MORN1: variants seen among roughly 807,000 people sequenced by gnomAD.
MORN1 encodes the protein MORN repeat-containing protein 1.
MORN1 carries 67 observed loss-of-function variants against 61.9 expected under a neutral mutation model. The ratio of observed to expected loss-of-function variants is 1.08; its 90% CI spans 0.89 to 1.33. The LOEUF (loss-of-function observed/expected upper bound fraction) is 1.33. MORN1 is among the 40% of genes most tolerant of loss of function. The pLI is 0.00. For synonymous variants in MORN1, 301 were observed against 292.0 expected, an observed-to-expected ratio of 1.03 and a Z score of -0.31; for missense variants, 752 against 691.2, an observed-to-expected ratio of 1.09 and a Z score of -0.99.
Position 2,385,324 on chromosome 1 carries a change from G to C in MORN1, c.450-259C>G, listed in dbSNP as rs547244409. 615 of 546,376 alleles carry C rather than the reference G, an allele frequency of 1.1e-3. 2 individuals carry two copies. Among genetic ancestry groups the C allele is most frequent in the Non-Finnish European group, 1.6e-3 (502 of 304,938 alleles). 33.8% of individuals were successfully genotyped at this position (546,376 alleles called of 1,614,324 possible). Reference sequence around the variant, plus strand: ...ACTCAGCTTCCGCTACTCAAAATGGGAAATGACCCAGGAGAGGCAACGGGA... The same window carrying C: ...ACTCAGCTTCCGCTACTCAAAATGGCAAATGACCCAGGAGAGGCAACGGGA... On this transcript the variant is annotated intron_variant, in intron 5 of 13. Coordinates refer to ENST00000378531, the MANE Select transcript of MORN1 (RefSeq NM_024848.3).
At chr1:2,366,760 T>C (rs867136067) in intron 8 of MORN1, among the ~76,000 whole-genome samples, 5 of 152,088 alleles carry the variant, frequency 3.3e-5, no homozygotes, top group Admixed American at 1.3e-4. Context: ...GGTCTCAAAC[T>C]CCTGACTTCA....
intron 12 of MORN1, chr1:2,332,501 T>C (rs1641178903): frequency 2.4e-6 from 1 of 414,124 alleles, no homozygotes; most frequent in African/African-American, 2.0e-5. Context: ...CAGTTCTGTC[T>C]TGACATCGAC....
At chr1:2,379,250 C>A (rs574651530) in intron 6 of MORN1, 47 of 438,958 alleles carry the variant, frequency 1.1e-4, no homozygotes, top group African/African-American at 9.0e-4. Flanking sequence ...GTGCCAAGGG[C>A]ATGATCCGAG....
At position 2,334,520 on chromosome 1, in the gene MORN1, G is replaced by A. The variant is rs925351456; in HGVS notation, c.1250+1949C>T. On this transcript the variant is annotated intron_variant, in intron 12 of 13. Coordinates refer to ENST00000378531, the MANE Select transcript of MORN1 (RefSeq NM_024848.3). The surrounding 1 kb of genome is among the most constrained non-coding windows in gnomAD (Gnocchi z 5.4). ...AGTAAGGCCAGCTGCATGGAGAGGC[G>A]GGGCTCCCTTGGGGGAGCAGGCCTG... is the stretch of plus-strand genomic sequence containing the variant. Among the ~76,000 whole-genome samples the A allele has an allele frequency of 2.0e-5, 3 of 152,112 alleles. No homozygotes were observed. The highest frequency in any genetic ancestry group is 4.8e-5 in the African/African-American group (2 of 41,444).
intron 6 of MORN1, among the ~76,000 whole-genome samples, chr1:2,379,640 G>T (rs1330278363): frequency 6.6e-6 from 1 of 152,174 alleles, no homozygotes; most frequent in East Asian, 1.9e-4. Context: ...GGTGCGCAGT[G>T]GTGGCCACGG....
intron 6 of MORN1, chr1:2,375,706 T>C (rs993000478): frequency 1.3e-5 from 2 of 152,180 alleles, no homozygotes; most frequent in Non-Finnish European, 2.9e-5. Flanking sequence ...AGCTCTCAGC[T>C]TCAGGAGAGG....
At chr1:2,386,044 G>A (rs964691099) in intron 4 of MORN1, 147 bp from the exon 5 acceptor site, 6 of 656,058 alleles carry the variant, frequency 9.1e-6, no homozygotes, top group South Asian at 3.5e-5. Context: ...GAACATGACA[G>A]ACCCTCCAGA....
intron 6 of MORN1, chr1:2,374,841 C>T (rs1570022178): frequency 6.0e-6 from 2 of 330,612 alleles, no homozygotes; most frequent in East Asian, 1.1e-4. Context: ...AACAAAACCT[C>T]GAAGGGGCAC....
At position 2,357,658 on chromosome 1, in the gene MORN1, A is replaced by G; in HGVS notation, c.870-60T>C. On this transcript the variant is annotated intron_variant, in intron 9 of 13. Transcript: ENST00000378531. This position sits in a 1 kb window ranked among gnomAD's most constrained non-coding sequence, Gnocchi z 6.3. Reference sequence around the variant, plus strand: ...CCCCACACCAAACTAGGGTGCAGGCAGACAGCGTGGCCCACGCCCTGGACC... The same window carrying G: ...CCCCACACCAAACTAGGGTGCAGGCGGACAGCGTGGCCCACGCCCTGGACC... The G allele has an allele frequency of 6.6e-7, 1 of 1,522,158 alleles. No homozygotes were observed. Among genetic ancestry groups the G allele is most frequent in the East Asian group, 2.3e-5 (1 of 42,712 alleles). The allele number at this position is 1,522,158 out of a possible 1,614,324, so 94.3% of individuals were successfully genotyped here.
intron 11 of MORN1, 58 bp from the exon 12 acceptor site, chr1:2,336,606 GCTCTGCTCC>G (rs1641285015): frequency 6.2e-7 from 1 of 1,601,576 alleles, no homozygotes; most frequent in African/African-American, 1.3e-5. Context: ...GGGCCTAGGA[GCTCTGCTCC>G]AACCCCCCTG....
chr1:2,381,449 GGCA>G (rs1325346485), intron 6 of MORN1, among the ~76,000 whole-genome samples: 3 of 152,164 alleles, frequency 2.0e-5, no homozygotes, highest in Admixed American at 2.0e-4. Flanking sequence ...CACCCCGTGG[GGCA>G]GCAAGCACCA....
chr1:2,372,236 C>G lies in MORN1; in HGVS notation c.745+245G>C. Reference sequence around the variant, plus strand: ...CCTGTGCAAGGCATACACACATATGCACACACATACAGGAGCACGCACATC... The same window carrying G: ...CCTGTGCAAGGCATACACACATATGGACACACATACAGGAGCACGCACATC... On this transcript the variant is annotated intron_variant, in intron 8 of 13. Coordinates refer to ENST00000378531, the MANE Select transcript of MORN1 (RefSeq NM_024848.3). This position sits in a 1 kb window ranked among gnomAD's most constrained non-coding sequence, Gnocchi z 5.4. 2.1e-6 allele frequency: 1 copy of G among 475,794 alleles called. No homozygotes were observed. 29.5% of individuals were successfully genotyped at this position (475,794 alleles called of 1,614,324 possible).
chr1:2,346,715 A>C (rs1011447337), intron 10 of MORN1, among the ~76,000 whole-genome samples: 1 of 152,136 alleles, frequency 6.6e-6, no homozygotes, highest in Non-Finnish European at 1.5e-5. Flanking sequence ...AAAGACAAAA[A>C]AGCACCCCCT....
intron 8 of MORN1, among the ~76,000 whole-genome samples, chr1:2,362,873 A>T (rs1641919568): frequency 6.6e-6 from 1 of 152,126 alleles, no homozygotes; most frequent in African/African-American, 2.4e-5. Flanking sequence ...CAAAAAAAAA[A>T]GAAACTAAAA....
At chr1:2,387,137 A>T (rs1642516566) in intron 4 of MORN1, 1 of 484,956 alleles carries the variant, frequency 2.1e-6, no homozygotes, top group African/African-American at 1.9e-5. Context: ...AGCAGTTAAT[A>T]AAGCAGTGGC....
In MORN1 at chr1:2,342,297, G is replaced by A. The variant is rs1346130970; in HGVS notation, c.1037-5447C>T. ...CAGGCAGCAGGCAGGGATGCTGCCCGAATCAACAAGGCTGCTCGGGCCAGG... is the reference window on the plus strand; with the variant it reads ...CAGGCAGCAGGCAGGGATGCTGCCCAAATCAACAAGGCTGCTCGGGCCAGG... On this transcript the variant is annotated intron_variant, in intron 10 of 13. Coordinates refer to ENST00000378531, the MANE Select transcript of MORN1 (RefSeq NM_024848.3). Among the ~76,000 whole-genome samples, 6 of 152,244 alleles carry A rather than the reference G, an allele frequency of 3.9e-5. No individual in the cohort carries two copies. The South Asian group carries it at 1.0e-3, about 26-fold the overall frequency.
At chr1:2,324,871 G>A (rs561760420) in intron 12 of MORN1, among the ~76,000 whole-genome samples, 67 of 152,096 alleles carry the variant, frequency 4.4e-4, no homozygotes, top group Middle Eastern at 3.4e-3. Flanking sequence ...ACGGGCTGGG[G>A]CAGGGCCATG....
intron 12 of MORN1, among the ~76,000 whole-genome samples, chr1:2,327,831 G>T (rs574212066): frequency 2.6e-5 from 4 of 152,376 alleles, no homozygotes; most frequent in Middle Eastern, 3.4e-3. Flanking sequence ...CGAATTGGCC[G>T]CCCTGACGGG....
intron 6 of MORN1, among the ~76,000 whole-genome samples, chr1:2,384,328 C>T (rs1277877711): frequency 6.6e-6 from 1 of 152,236 alleles, no homozygotes; most frequent in Non-Finnish European, 1.5e-5. Flanking sequence ...GAAATTTGCT[C>T]TCTGCACTCA....
Sources: allele counts gnomAD v4.1 joint callset (sites outside exome capture counted in the v4.1 genomes callset), GRCh38; gene constraint gnomAD v4.1.1; non-coding constraint Gnocchi (gnomAD v3.1); transcripts MANE v1.5; gene names NCBI Gene and HGNC (gene_info 2026-07-23, HGNC 2026-07-21).